Variants in ABCA1 observed in about 807,000 individuals in gnomAD.
The protein encoded by ABCA1 is ATP binding cassette subfamily A member 1.
ABCA1 carries 133 observed loss-of-function variants against 262.5 expected under a neutral mutation model. That is an observed-to-expected ratio of 0.51 (90% CI 0.44 to 0.59). ABCA1 has a LOEUF of 0.59. ABCA1 is among the 20% of genes least tolerant of loss of function. ABCA1 has a pLI of 0.00. For synonymous variants in ABCA1, 1,022 were observed against 1,043.5 expected, an observed-to-expected ratio of 0.98 and a Z score of 0.40; for missense variants, 2,452 against 2,777.5, an observed-to-expected ratio of 0.88 and a Z score of 2.63.
intron 7 of ABCA1, among the ~76,000 whole-genome samples, chr9:104,856,416 A>C (rs893161555): frequency 6.6e-6 from 1 of 152,160 alleles, no homozygotes; most frequent in Non-Finnish European, 1.5e-5. Context: ...TAGCCACCTT[A>C]ATCAATACCT....
chr9:104,903,774 G>T lies in ABCA1; in HGVS notation c.-92-3C>A. The T allele has an allele frequency of 8.5e-7, 1 of 1,171,198 alleles. No individual in the cohort carries two copies. Among genetic ancestry groups the T allele is most frequent in the Non-Finnish European group, 1.2e-6 (1 of 807,246 alleles). 72.6% of individuals were successfully genotyped at this position (1,171,198 alleles called of 1,614,324 possible). A position where few individuals can be genotyped will look rare whatever the true frequency, so the allele number is the denominator to read the frequency against. On this transcript the variant is annotated splice_region_variant and splice_polypyrimidine_tract_variant and intron_variant, in intron 1 of 49. Transcript: ENST00000374736. ...GGGACGCCGTGGCTGGTCATTAACT[G>T]AAAGATAAAGCAGGAGGGGAAACAG... is the stretch of plus-strand genomic sequence containing the variant.
At chr9:104,814,020 C>T in intron 27 of ABCA1, 98 bp downstream of exon 27, 1 of 1,239,920 alleles carries the variant, frequency 8.1e-7, no homozygotes, top group Non-Finnish European at 1.2e-6. Flanking sequence ...AGGGATCTAT[C>T]ACCTTGGCTA....
rs1484473435 is a variant in ABCA1, at chr9:104,785,424, T to C, written c.6617A>G (p.Tyr2206Cys). The change falls in exon 49 of 50, where the codon TAC (tyrosine) becomes TGC (cysteine). Residue 2206 changes from tyrosine (Y) to cysteine (C), a missense_variant. Transcript: ENST00000374736. ...QSKKRLHIED[Y>C]SVSQTTLDQV... is the part of the protein sequence containing the mutation. ...GTCAAGTGTTGTCTGAGAAACAGAGTAGTCTTCTATGTGGAGTCGCTTTTT... is the reference window on the plus strand; with the variant it reads ...GTCAAGTGTTGTCTGAGAAACAGAGCAGTCTTCTATGTGGAGTCGCTTTTT... 5 of 1,613,996 alleles carry C rather than the reference T, an allele frequency of 3.1e-6. No homozygotes were observed. The highest frequency in any genetic ancestry group is 4.2e-6 in the Non-Finnish European group (5 of 1,179,938).
intron 27 of ABCA1, among the ~76,000 whole-genome samples, chr9:104,813,494 A>T (rs148033767): frequency 1.9e-3 from 282 of 152,184 alleles, no homozygotes; most frequent in African/African-American, 6.4e-3. Flanking sequence ...GCTGACTGCA[A>T]CCTCTGCCTC....
intron 30 of ABCA1, among the ~76,000 whole-genome samples, chr9:104,808,225 C>T (rs1830966734): frequency 6.6e-6 from 1 of 152,162 alleles, no homozygotes; most frequent in South Asian, 2.1e-4. Context: ...GCTCAGACAT[C>T]ATGTTTGAAC....
rs1834702191 is a variant in ABCA1, at chr9:104,844,663, A to G, written c.813+814T>C. On this transcript the variant is annotated intron_variant, in intron 8 of 49. Coordinates refer to ENST00000374736, the MANE Select transcript of ABCA1 (RefSeq NM_005502.4). ...GAAAAACGGATTAGAGAAGCAGCTA[A>G]AAATAAGGGTGGACCAAGTCTGAGA... 7.2e-5 allele frequency among the ~76,000 whole-genome samples: 11 copies of G among 152,234 alleles called. No homozygotes were observed. In the South Asian group the frequency reaches 2.3e-3, roughly 32 times the overall value.
intron 1 of ABCA1, among the ~76,000 whole-genome samples, chr9:104,916,860 T>C (rs10991409): frequency 0.085 from 11,758 of 138,540 alleles, 738 homozygotes; most frequent in East Asian, 0.35. Flanking sequence ...ATATGTCTTT[T>C]TGATGAAGAA....
At chr9:104,800,024 C>T (rs755691619) in intron 35 of ABCA1, 36 bp from the exon 36 acceptor site, 7 of 1,613,394 alleles carry the variant, frequency 4.3e-6, no homozygotes, top group Non-Finnish European at 5.9e-6. Flanking sequence ...GGTAATGCCC[C>T]CAAACCGGGC....
At chr9:104,859,567 G>A (rs1321209883) in intron 6 of ABCA1, among the ~76,000 whole-genome samples, 1 of 152,216 alleles carries the variant, frequency 6.6e-6, no homozygotes, top group Non-Finnish European at 1.5e-5. Flanking sequence ...AACCTAAGGT[G>A]AGTGATGGAC....
Position 104,840,274 on chromosome 9 carries a change from C to G in ABCA1, c.1054+5G>C. The stretch of plus-strand genomic sequence containing the variant: ...GACAGGGCTGGGGTCTGCATGGACA[C>G]TCACTTGTAGAGTTGTCATAGAAGG... On this transcript the variant is annotated splice_donor_5th_base_variant and intron_variant, in intron 9 of 49. Transcript: ENST00000374736. 2 of 1,614,200 alleles carry G rather than the reference C, an allele frequency of 1.2e-6. No homozygotes were observed. Among genetic ancestry groups the G allele is most frequent in the Non-Finnish European group, 1.7e-6 (2 of 1,180,046 alleles).
At chr9:104,896,711 CTTTTTTTTTTTTTTTTTTTTTTTTT>C (rs56710442) in intron 2 of ABCA1, among the ~76,000 whole-genome samples, 26 of 37,010 alleles carry the variant, frequency 7.0e-4, no homozygotes, top group Non-Finnish European at 1.2e-3. Flanking sequence ...CCCTACACAT[CTTTTTTTTTTTTTTTTTTTTTTTTT>C]TTTTTTTTTT....
rs1171336047 is a variant in ABCA1 at position 104,862,631 on chromosome 9, TGCCGG to T, written c.422-836_422-832del. On this transcript the variant is annotated intron_variant, in intron 5 of 49. Coordinates refer to ENST00000374736, the MANE Select transcript of ABCA1 (RefSeq NM_005502.4). ...CTGGAGAGCTTGTTAAAATGCAGAC[TGCCGG>T]GCCGGGCCGGGCCGGGCCGGGCCGG... Among the ~76,000 whole-genome samples, 14 of 22,938 alleles carry T rather than the reference TGCCGG, an allele frequency of 6.1e-4. 5 individuals are homozygous for T. Among genetic ancestry groups the T allele is most frequent in the Admixed American group, 2.6e-3 (5 of 1,912 alleles). 15.0% of individuals were successfully genotyped at this position (22,938 alleles called of 152,430 possible). A position where few individuals can be genotyped will look rare whatever the true frequency, so the allele number is the denominator to read the frequency against.
In ABCA1 at chr9:104,903,666, G is replaced by A; in HGVS notation, c.14C>T (p.Pro5Leu). 6.3e-7 allele frequency: 1 copy of A among 1,582,514 alleles called. No individual in the cohort carries two copies. The highest frequency in any genetic ancestry group is 8.6e-7 in the Non-Finnish European group (1 of 1,163,906). MACW[P>L]QLRLLLWKNL... ...CTTCCACAGCAGCAACCTCAGCTGA[G>A]GCCAACAAGCCATGTTCCCTCAGCC... The change falls in exon 2 of 50, where the codon CCT becomes CTT. Residue 5 changes from proline to leucine, a missense_variant. Pro to Leu is a moderately conservative substitution (Grantham distance 98). This residue lies in a region of ABCA1 where 1,032 missense variants were observed against 1,089.7 expected (regional missense o/e 0.95). Coordinates refer to ENST00000374736, the MANE Select transcript of ABCA1 (RefSeq NM_005502.4).
At chr9:104,814,029 T>C in intron 27 of ABCA1, 89 bp downstream of exon 27, 13 of 1,372,694 alleles carry the variant, frequency 9.5e-6, no homozygotes, top group Admixed American at 1.7e-5. Flanking sequence ...TCACCTTGGC[T>C]AAAGGCCATC....
At chr9:104,834,886 G>C (rs1051463549) in intron 11 of ABCA1, among the ~76,000 whole-genome samples, 2 of 152,172 alleles carry the variant, frequency 1.3e-5, no homozygotes, top group Non-Finnish European at 1.5e-5. Flanking sequence ...CCATCACCTC[G>C]TGTAGGAGAT....
intron 7 of ABCA1, among the ~76,000 whole-genome samples, chr9:104,850,004 G>T (rs1431436697): frequency 6.6e-6 from 1 of 152,224 alleles, no homozygotes; most frequent in African/African-American, 2.4e-5. Flanking sequence ...AGTTATCTCT[G>T]AAGAATGAGC....
Position 104,819,538 on chromosome 9 carries a change from C to A in ABCA1, c.3241+48G>T, listed in dbSNP as rs776839159. ...ATACAGCCACACTTCTCAAAAGCCC[C>A]CCGCTCTCTCTCAGTCCATTTACTC... On this transcript the variant is annotated intron_variant, in intron 22 of 49. Coordinates refer to ENST00000374736, the MANE Select transcript of ABCA1 (RefSeq NM_005502.4). 3 of 1,612,944 alleles carry A rather than the reference C, an allele frequency of 1.9e-6. No homozygotes were observed. In the African/African-American group the frequency reaches 4.0e-5, roughly 22 times the overall value.
At chr9:104,860,914 G>T (rs936904859) in intron 6 of ABCA1, among the ~76,000 whole-genome samples, 1 of 151,902 alleles carries the variant, frequency 6.6e-6, no homozygotes, top group Non-Finnish European at 1.5e-5. Flanking sequence ...ATGCCACCAC[G>T]CTGAGCTAAT....
At chr9:104,876,629 A>G (rs1463196544) in intron 5 of ABCA1, among the ~76,000 whole-genome samples, 2 of 152,250 alleles carry the variant, frequency 1.3e-5, no homozygotes, top group African/African-American at 4.8e-5. Context: ...AAAAGGAAAT[A>G]CACAGTAAAA....
Sources: allele counts gnomAD v4.1 joint callset (sites outside exome capture counted in the v4.1 genomes callset), GRCh38; gene constraint gnomAD v4.1.1; regional missense constraint gnomAD v4.1.1; transcripts MANE v1.5; gene names NCBI Gene and HGNC (gene_info 2026-07-23, HGNC 2026-07-21).